The following SHQ1 variants were observed in gnomAD, a reference collection of about 807,000 sequenced individuals.
SHQ1 encodes protein SHQ1 homolog.
SHQ1 carries 49 observed loss-of-function variants against 53.8 expected under a neutral mutation model. The ratio of observed to expected loss-of-function variants is 0.91; its 90% CI spans 0.72 to 1.16. The LOEUF (loss-of-function observed/expected upper bound fraction) is 1.16, where lower values mean the gene tolerates loss of function less well. Ranked by LOEUF, SHQ1 falls within the 50% of genes most tolerant of loss-of-function variation. The probability of loss-of-function intolerance (pLI) is 0.00; values close to 1 mark genes in which losing one functional copy is unlikely to be tolerated. For synonymous variants in SHQ1, 243 were observed against 251.0 expected, an observed-to-expected ratio of 0.97 and a Z score of 0.30; for missense variants, 738 against 683.1, an observed-to-expected ratio of 1.08 and a Z score of -0.90.
downstream of SHQ1, among the ~76,000 whole-genome samples, chr3:72,745,014 T>C (rs1705233929): frequency 6.6e-6 from 1 of 151,960 alleles, no homozygotes; most frequent in Non-Finnish European, 1.5e-5. Flanking sequence ...ATTCCTATAC[T>C]AAGTTTTAAA....
Position 72,759,965 on chromosome 3 carries a change from AG to A in SHQ1, c.1182-9130del, listed in dbSNP as rs1034275006. On this transcript the variant is annotated intron_variant, in intron 10 of 10. Coordinates refer to ENST00000325599, the MANE Select transcript of SHQ1 (RefSeq NM_018130.3). Reference sequence around the variant, plus strand: ...AGGTAATTCTTACAGAAAAAAATCAAGGGTATCATCAGTTTCCTCAAGGGCC... The same window carrying A: ...AGGTAATTCTTACAGAAAAAAATCAAGGTATCATCAGTTTCCTCAAGGGCC... 3.4e-4 allele frequency among the ~76,000 whole-genome samples: 52 copies of A among 152,314 alleles called. 1 individual carries two copies. The highest frequency in any genetic ancestry group is 1.1e-3 in the African/African-American group (46 of 41,572).
At position 72,750,583 on chromosome 3, in the gene SHQ1, C is replaced by T. The variant is rs1705345237; in HGVS notation, c.1435G>A (p.Glu479Lys). 1.2e-6 allele frequency: 2 copies of T among 1,614,196 alleles called. No homozygotes were observed. The highest frequency in any genetic ancestry group is 1.3e-5 in the African/African-American group (1 of 75,052). ...EDSGSDSEQD[E>K]LKDSPSETVS... ...GTCTCAGATGGACTATCTTTGAGTT[C>T]ATCTTGTTCTGAATCTGAGCCTGAG... Residue 479 changes from glutamate (E) to lysine (K), a missense_variant, in exon 11 of 11, where the codon GAA becomes AAA. Physicochemically the swap from Glu to Lys is moderately conservative, Grantham distance 56. Coordinates refer to ENST00000325599, the MANE Select transcript of SHQ1 (RefSeq NM_018130.3).
chr3:72,844,253 G>A (rs1391901735), intron 2 of SHQ1, 106 bp downstream of exon 2: 4 of 868,306 alleles, frequency 4.6e-6, no homozygotes, highest in Non-Finnish European at 7.4e-6. Context: ...GGAACAGATT[G>A]TATTTGAAAG....
At chr3:72,777,179 C>A (rs1046428031) in intron 10 of SHQ1, among the ~76,000 whole-genome samples, 14 of 152,048 alleles carry the variant, frequency 9.2e-5, no homozygotes, top group Non-Finnish European at 1.2e-4. Flanking sequence ...AAAAGCACAC[C>A]CATAAAGGAA....
intron 10 of SHQ1, among the ~76,000 whole-genome samples, chr3:72,758,646 T>C (rs1041024138): frequency 3.0e-4 from 44 of 148,986 alleles, no homozygotes; most frequent in African/African-American, 9.0e-4. Flanking sequence ...CTCGGCTCAC[T>C]GCAACCTCCA....
chr3:72,836,983 T>C (rs943745240), intron 4 of SHQ1, among the ~76,000 whole-genome samples: 2 of 152,084 alleles, frequency 1.3e-5, no homozygotes, highest in African/African-American at 2.4e-5. Context: ...CCGGAAACAA[T>C]GGCCTCAGGT....
the SHQ1 span, among the ~76,000 whole-genome samples, chr3:72,732,066 C>A: frequency 6.6e-6 from 1 of 151,708 alleles, no homozygotes; most frequent in East Asian, 1.9e-4. Context: ...TCACTGAGCG[C>A]TTTCCTTGGA....
chr3:72,812,727 C>T lies in SHQ1; in HGVS notation c.1004G>A (p.Arg335His), dbSNP rs201983708. The change falls in exon 9 of 11, where the codon CGC becomes CAC. Residue 335 changes from arginine to histidine, a missense_variant. Coordinates refer to ENST00000325599, the MANE Select transcript of SHQ1 (RefSeq NM_018130.3). ...GRRVLCYPLY[R>H]HFKLVMKAYR... Reference sequence around the variant, plus strand: ...GGCCTTCATCACCAGCTTGAAATGGCGATAGAGTGGGTAACACAACACCCT... The same window carrying T: ...GGCCTTCATCACCAGCTTGAAATGGTGATAGAGTGGGTAACACAACACCCT... 5.0e-6 allele frequency: 8 copies of T among 1,613,924 alleles called. No homozygotes were observed. Among genetic ancestry groups the T allele is most frequent in the East Asian group, 4.5e-5 (2 of 44,850 alleles).
chr3:72,802,779 C>G (rs1243707096), intron 9 of SHQ1, among the ~76,000 whole-genome samples: 1 of 152,170 alleles, frequency 6.6e-6, no homozygotes, highest in African/African-American at 2.4e-5. Context: ...CTATCAGGGT[C>G]AGAGTGAGGT....
rs149776286 is a variant in SHQ1, at chr3:72,822,301, A to T, written c.727+2123T>A. Among the ~76,000 whole-genome samples the T allele has an allele frequency of 6.8e-3, 1,035 of 152,306 alleles. 15 individuals carry two copies. The highest frequency in any genetic ancestry group is 0.023 in the African/African-American group (975 of 41,550). ...GGTGGTTTTTAGAATGAATCACCAT[A>T]ATGGCTTTGCAGACTATGACTGTTC... On this transcript the variant is annotated intron_variant, in intron 6 of 10. Coordinates refer to ENST00000325599, the MANE Select transcript of SHQ1 (RefSeq NM_018130.3).
chr3:72,751,783 G>A (rs1490409299), intron 10 of SHQ1, among the ~76,000 whole-genome samples: 1 of 151,914 alleles, frequency 6.6e-6, no homozygotes, highest in Non-Finnish European at 1.5e-5. Context: ...CAAGACTGCA[G>A]GAGAAAAGGC....
intron 8 of SHQ1, among the ~76,000 whole-genome samples, chr3:72,813,020 A>G (rs1707174615): frequency 6.6e-6 from 1 of 152,250 alleles, no homozygotes; most frequent in African/African-American, 2.4e-5. Context: ...TACATCACAA[A>G]TGTCACAAGA....
Position 72,750,268 on chromosome 3 carries a change from T to C in SHQ1, c.*16A>G, listed in dbSNP as rs765795482. The C allele has an allele frequency of 6.7e-5, 105 of 1,559,258 alleles. 1 individual carries two copies. In the East Asian group the frequency reaches 2.4e-3, roughly 35 times the overall value. On this transcript the variant is annotated 3_prime_UTR_variant, in exon 11 of 11. Transcript: ENST00000325599. ...ATCTACCATATTTCTCAACAATGAA[T>C]AAAACCACCTAAGAGTCAATTATTT... is the stretch of plus-strand genomic sequence containing the variant.
chr3:72,742,042 G>C, the SHQ1 span, among the ~76,000 whole-genome samples: 1 of 151,938 alleles, frequency 6.6e-6, no homozygotes, highest in Admixed American at 6.6e-5. Flanking sequence ...CAGATACCGA[G>C]GGACGACTGT....
rs374260507 is a variant in SHQ1 at position 72,848,374 on chromosome 3, C to T, written c.-34G>A. Reference sequence around the variant, plus strand: ...CGGACGCAAGGGCCGGCGCCGCTCGCTCTCACTGCCGCCGCGTTCCCGCCA... The same window carrying T: ...CGGACGCAAGGGCCGGCGCCGCTCGTTCTCACTGCCGCCGCGTTCCCGCCA... On this transcript the variant is annotated 5_prime_UTR_variant, in exon 1 of 11. Coordinates refer to ENST00000325599, the MANE Select transcript of SHQ1 (RefSeq NM_018130.3). The T allele has an allele frequency of 3.7e-6, 6 of 1,609,726 alleles. No homozygotes were observed. The highest frequency in any genetic ancestry group is 2.7e-5 in the African/African-American group (2 of 74,800).
chr3:72,843,076 C>CAAA (rs767123809), intron 2 of SHQ1, among the ~76,000 whole-genome samples: 1 of 86,752 alleles, frequency 1.2e-5, no homozygotes, highest in Non-Finnish European at 2.4e-5. Context: ...GATTCTGTCT[C>CAAA]AAAAAAAAAA....
rs756005002 is a variant in SHQ1 at position 72,817,218 on chromosome 3, A to G, written c.882+12T>C. 8 of 1,610,262 alleles carry G rather than the reference A, an allele frequency of 5.0e-6. No homozygotes were observed. The highest frequency in any genetic ancestry group is 6.8e-6 in the Non-Finnish European group (8 of 1,178,254). On this transcript the variant is annotated intron_variant, in intron 7 of 10. Transcript: ENST00000325599. ...GTCATCTATGGCAACATGCACACAT[A>G]CATGCACTTACATTCTTCTCTCCTT...
At chr3:72,755,109 G>A (rs1705472276) in intron 10 of SHQ1, among the ~76,000 whole-genome samples, 1 of 152,158 alleles carries the variant, frequency 6.6e-6, no homozygotes, top group East Asian at 1.9e-4. Flanking sequence ...CAGAAAAGTG[G>A]TGAAGCTGAG....
At chr3:72,825,886 C>A (rs972602809) in intron 5 of SHQ1, among the ~76,000 whole-genome samples, 4 of 152,170 alleles carry the variant, frequency 2.6e-5, no homozygotes, top group East Asian at 3.8e-4. Flanking sequence ...AGATCACAGA[C>A]AACTTACGGA....
Sources: allele counts gnomAD v4.1 joint callset (sites outside exome capture counted in the v4.1 genomes callset), GRCh38; gene constraint gnomAD v4.1.1; transcripts MANE v1.5; gene names NCBI Gene and HGNC (gene_info 2026-07-23, HGNC 2026-07-21).